Variants in HPSE observed in about 807,000 individuals in gnomAD.
HPSE encodes endo-glucoronidase.
In HPSE, 48 loss-of-function variants were observed where a neutral mutation model predicts 65.1. The ratio of observed to expected loss-of-function variants is 0.74; its 90% confidence interval spans 0.58 to 0.94. The LOEUF is 0.94. HPSE is among the 40% of genes least tolerant of loss of function. HPSE has a pLI of 0.00. For synonymous variants in HPSE, 243 were observed against 260.0 expected (o/e 0.93, Z 0.63); for missense variants, 644 against 637.5 (o/e 1.01, Z -0.11).
intron 1 of HPSE, among the ~76,000 whole-genome samples, chr4:83,334,279 GC>G (rs1737520065): frequency 6.6e-6 from 1 of 152,172 alleles, no homozygotes; most frequent in Non-Finnish European, 1.5e-5. Context: ...TACACTAAGA[GC>G]CCAGATGCCA....
intron 1 of HPSE, among the ~76,000 whole-genome samples, chr4:83,327,711 C>G (rs533812263): frequency 1.3e-5 from 2 of 152,248 alleles, no homozygotes; most frequent in African/African-American, 4.8e-5. Flanking sequence ...CGTTGTTGGC[C>G]TGTGAAAGCC....
At chr4:83,324,617 G>GC (rs1462415883) in intron 1 of HPSE, among the ~76,000 whole-genome samples, 1 of 152,106 alleles carries the variant, frequency 6.6e-6, no homozygotes, top group Non-Finnish European at 1.5e-5. Flanking sequence ...ATACCTGACA[G>GC]CCCCAAAGAG....
At chr4:83,302,940 A>G (rs567871336) in intron 9 of HPSE, among the ~76,000 whole-genome samples, 109 of 152,248 alleles carry the variant, frequency 7.2e-4, no homozygotes, top group African/African-American at 2.2e-3. Context: ...GTGCCACTGC[A>G]CTCCAGCCTG....
intron 11 of HPSE, among the ~76,000 whole-genome samples, chr4:83,296,200 A>C (rs1735716865): frequency 6.6e-6 from 1 of 152,216 alleles, no homozygotes. Context: ...CTTATTATTT[A>C]AATCAAATTA....
chr4:83,330,901 G>A (rs1304012019), intron 1 of HPSE, among the ~76,000 whole-genome samples: 3 of 152,124 alleles, frequency 2.0e-5, no homozygotes, highest in Admixed American at 1.3e-4. Flanking sequence ...GCTACTGAAC[G>A]CTTGAAATAT....
intron 1 of HPSE, among the ~76,000 whole-genome samples, chr4:83,328,267 G>A (rs1477127235): frequency 6.6e-6 from 1 of 152,196 alleles, no homozygotes. Flanking sequence ...CGCAGGAAAG[G>A]ATTTGTTCCA....
intron 2 of HPSE, among the ~76,000 whole-genome samples, chr4:83,320,896 G>A (rs978996215): frequency 6.6e-6 from 1 of 151,672 alleles, no homozygotes; most frequent in South Asian, 2.1e-4. Flanking sequence ...TGGTGGGAAA[G>A]GGCCAAGTCT....
Position 83,334,820 on chromosome 4 carries a change from C to A in HPSE, c.-38G>T. 1 of 1,480,868 alleles carries A rather than the reference C, an allele frequency of 6.8e-7. No homozygotes were observed. The highest frequency in any genetic ancestry group is 9.0e-7 in the Non-Finnish European group (1 of 1,117,238). The allele number at this position is 1,480,868 out of a possible 1,614,324, so 91.7% of individuals were successfully genotyped here. The stretch of plus-strand genomic sequence containing the variant: ...TGGCTGCTCCCCCCGCCAGCTGCCG[C>A]GCAGCGGAGAGTCGAGAGCTCTAGC... On this transcript the variant is annotated 5_prime_UTR_variant, in exon 1 of 12. Transcript: ENST00000311412.
Position 83,294,860 on chromosome 4 carries a change from GGAGTTC to G in HPSE, c.*478_*483del, listed in dbSNP as rs1040343976. 6.6e-6 allele frequency: 1 copy of G among 152,278 alleles called. No homozygotes were observed. The highest frequency in any genetic ancestry group is 6.5e-5 in the Admixed American group (1 of 15,280). 9.4% of individuals were successfully genotyped at this position (152,278 alleles called of 1,614,324 possible). ...ACTTGAGGACAGGAGTTCGAGGACA[GGAGTTC>G]GAGACCAGCTTGGCCAATATGGCGA... On this transcript the variant is annotated 3_prime_UTR_variant, in exon 12 of 12. Transcript: ENST00000311412.
chr4:83,323,026 G>T (rs1272659827), intron 1 of HPSE, among the ~76,000 whole-genome samples: 1 of 151,996 alleles, frequency 6.6e-6, no homozygotes, highest in Non-Finnish European at 1.5e-5. Context: ...AAAACTCATA[G>T]CCTTTTATGA....
chr4:83,305,292 A>G (rs2126185496), intron 9 of HPSE, among the ~76,000 whole-genome samples: 1 of 152,334 alleles, frequency 6.6e-6, no homozygotes, highest in Admixed American at 6.5e-5. Flanking sequence ...AACTCTATAC[A>G]TGACAGAATA....
Position 83,301,070 on chromosome 4 carries a change from G to A in HPSE, c.1362C>T (p.Ala454=). ...ACTTGGTGACATTATGGAGGTTTAT[G>A]GCATACAGAGTTAAATCTCCTTCTT... is the stretch of plus-strand genomic sequence containing the variant. ...RYKEGDLTLY[A]INLHNVTKYL... is the part of the protein sequence containing the mutation. Residue 454 remains alanine, a synonymous_variant, in exon 11 of 12, where the codon GCC becomes GCT. Coordinates refer to ENST00000311412, the MANE Select transcript of HPSE (RefSeq NM_001098540.3). 1.2e-6 allele frequency: 2 copies of A among 1,604,014 alleles called. No homozygotes were observed. The highest frequency in any genetic ancestry group is 2.2e-5 in the South Asian group (2 of 89,606).
At chr4:83,312,399 C>T (rs556754205) in intron 4 of HPSE, among the ~76,000 whole-genome samples, 1 of 152,186 alleles carries the variant, frequency 6.6e-6, no homozygotes, top group Non-Finnish European at 1.5e-5. Context: ...GAGTGTTGGC[C>T]GGGCGCAGTG....
intron 1 of HPSE, among the ~76,000 whole-genome samples, chr4:83,324,003 A>G (rs914790238): frequency 1.3e-5 from 2 of 152,142 alleles, no homozygotes; most frequent in Non-Finnish European, 2.9e-5. Context: ...AAACATATTA[A>G]ACCAATGCTA....
At chr4:83,307,617 A>C (rs1391829177) in intron 8 of HPSE, among the ~76,000 whole-genome samples, 1 of 152,214 alleles carries the variant, frequency 6.6e-6, no homozygotes, top group Non-Finnish European at 1.5e-5. Flanking sequence ...TAAAATGTAA[A>C]ATAAGCAGAA....
At position 83,327,657 on chromosome 4, in the gene HPSE, C is replaced by G. The variant is rs115001636; in HGVS notation, c.228-5293G>C. On this transcript the variant is annotated intron_variant, in intron 1 of 11. Transcript: ENST00000311412. ...CCTTTTGTACAAAAATAAGTTACTTCTCTCTGACACAAAAGCAGAGGTGTG... is the reference window on the plus strand; with the variant it reads ...CCTTTTGTACAAAAATAAGTTACTTGTCTCTGACACAAAAGCAGAGGTGTG... 9.8e-3 allele frequency among the ~76,000 whole-genome samples: 1,487 copies of G among 152,324 alleles called. 27 individuals carry two copies. Among genetic ancestry groups the G allele is most frequent in the African/African-American group, 0.033 (1,374 of 41,566 alleles).
intron 9 of HPSE, among the ~76,000 whole-genome samples, chr4:83,305,731 T>A (rs1736125083): frequency 6.6e-6 from 1 of 152,200 alleles, no homozygotes; most frequent in Non-Finnish European, 1.5e-5. Flanking sequence ...ATAAATATCT[T>A]GAAGATTATT....
intron 11 of HPSE, among the ~76,000 whole-genome samples, chr4:83,297,453 A>C (rs72936069): frequency 0.23 from 35,226 of 151,714 alleles, 4,251 homozygotes; most frequent in Middle Eastern, 0.32. Context: ...TCCATCCACT[A>C]CATAATTTTA....
At chr4:83,304,122 T>A (rs1736064054) in intron 9 of HPSE, among the ~76,000 whole-genome samples, 1 of 152,118 alleles carries the variant, frequency 6.6e-6, no homozygotes, top group African/African-American at 2.4e-5. Flanking sequence ...AACTCCAGCT[T>A]ATAGAGCAAA....
Sources: gnomAD v4.1 joint callset for allele counts (sites outside exome capture counted in the v4.1 genomes callset) on GRCh38, gnomAD v4.1.1 for gene constraint, MANE v1.5 for transcripts, NCBI Gene and HGNC (gene_info 2026-07-23, HGNC 2026-07-21) for gene names.